The following KANK1 variants were observed in gnomAD, a reference collection of about 807,000 sequenced individuals.
KANK1 encodes the protein KN motif and ankyrin repeat domains 1.
Under a neutral mutation model 106.2 loss-of-function variants are expected in KANK1, and 109 were observed. The ratio of observed to expected loss-of-function variants is 1.03; its 90% CI spans 0.88 to 1.20. The LOEUF is 1.20. Among genes scored for constraint, KANK1 ranks in the 50% most tolerant of loss-of-function variants. KANK1 has a pLI of 0.00. For missense variants in KANK1, 2,399 were observed against 1,710.7 expected (o/e 1.40, Z -7.10); for synonymous variants, 873 against 652.2 (o/e 1.34, Z -5.16).
intron 1 of KANK1, among the ~76,000 whole-genome samples, chr9:659,492 G>A (rs895602493): frequency 3.9e-5 from 6 of 152,122 alleles, no homozygotes; most frequent in African/African-American, 1.4e-4. Flanking sequence ...GCTGTTCTGG[G>A]AACCCACTTT....
At chr9:573,664 T>C (rs558325123) in intron 1 of KANK1, among the ~76,000 whole-genome samples, 52 of 152,286 alleles carry the variant, frequency 3.4e-4, no homozygotes, top group African/African-American at 1.2e-3. Context: ...GCGGGCATTT[T>C]ATTTTTATCT....
At chr9:745,059 C>T (rs892655692) in intron 11 of KANK1, 114 bp from the exon 12 acceptor site, 12 of 1,532,366 alleles carry the variant, frequency 7.8e-6, no homozygotes, top group East Asian at 2.3e-5. Flanking sequence ...GCTCTCCTGG[C>T]TCGGGCTCAC....
intron 1 of KANK1, among the ~76,000 whole-genome samples, chr9:514,193 T>C (rs2059171363): frequency 1.3e-5 from 1 of 77,812 alleles, no homozygotes; most frequent in Non-Finnish European, 2.1e-5. Context: ...TCTCCCTCCC[T>C]TCCTCCCTCC....
chr9:714,189 C>T (rs1827031592), intron 3 of KANK1, among the ~76,000 whole-genome samples: 2 of 152,228 alleles, frequency 1.3e-5, no homozygotes, highest in South Asian at 2.1e-4. Context: ...GCGGTGCTTA[C>T]ATTCTAGGTG....
intron 3 of KANK1, among the ~76,000 whole-genome samples, chr9:496,996 A>C (rs929874503): frequency 2.2e-4 from 33 of 152,342 alleles, no homozygotes; most frequent in Admixed American, 1.0e-3. Context: ...TTCCTGAACT[A>C]GAATTATGTC....
intron 1 of KANK1, among the ~76,000 whole-genome samples, chr9:542,898 C>T (rs1020295818): frequency 1.6e-4 from 24 of 152,004 alleles, no homozygotes; most frequent in Non-Finnish European, 5.9e-5. Context: ...GGGAGATGAG[C>T]GGTGCTTGGG....
intron 1 of KANK1, among the ~76,000 whole-genome samples, chr9:667,820 C>T (rs1845005240): frequency 1.3e-5 from 2 of 151,454 alleles, no homozygotes; most frequent in Admixed American, 6.6e-5. Context: ...CAACCTCCAC[C>T]TCCTGGGTTC....
At chr9:632,055 C>G (rs546340966) in intron 1 of KANK1, among the ~76,000 whole-genome samples, 1 of 152,310 alleles carries the variant, frequency 6.6e-6, no homozygotes, top group South Asian at 2.1e-4. Flanking sequence ...GTCTCCGTAG[C>G]ATTGTGTCTA....
intron 1 of KANK1, among the ~76,000 whole-genome samples, chr9:665,591 T>G (rs1323884295): frequency 1.3e-5 from 2 of 152,186 alleles, no homozygotes; most frequent in South Asian, 2.1e-4. Context: ...TATTTTTAAG[T>G]CAAGTAGTGT....
intron 2 of KANK1, among the ~76,000 whole-genome samples, chr9:704,700 G>A (rs1823544032): frequency 6.6e-6 from 1 of 152,062 alleles, no homozygotes; most frequent in South Asian, 2.1e-4. Context: ...AAATGCCCAG[G>A]CCAGGTATAG....
intron 5 of KANK1, 195 bp from the exon 6 acceptor site, chr9:732,183 G>T (rs576087997): frequency 3.0e-5 from 17 of 560,780 alleles, no homozygotes; most frequent in South Asian, 3.0e-4. Flanking sequence ...ATATGATACC[G>T]ATAACCAGTT....
At chr9:653,918 AC>A (rs1233762711) in intron 1 of KANK1, among the ~76,000 whole-genome samples, 1 of 152,140 alleles carries the variant, frequency 6.6e-6, no homozygotes, top group Non-Finnish European at 1.5e-5. Context: ...CTCCCATCAC[AC>A]TAGCACAACT....
intron 3 of KANK1, among the ~76,000 whole-genome samples, chr9:722,448 T>TA (rs1189917248): frequency 1.3e-5 from 2 of 152,172 alleles, no homozygotes; most frequent in Admixed American, 1.3e-4. Flanking sequence ...AAAGGGTAGC[T>TA]AGGGTTGAAA....
intron 1 of KANK1, among the ~76,000 whole-genome samples, chr9:517,761 C>T (rs1349913733): frequency 2.3e-5 from 3 of 132,044 alleles, no homozygotes; most frequent in East Asian, 2.3e-4. Context: ...TTTTTTGAGA[C>T]AGAGTCTCGC....
At chr9:474,297 A>G (rs922603698) in intron 3 of KANK1, among the ~76,000 whole-genome samples, 5 of 152,144 alleles carry the variant, frequency 3.3e-5, no homozygotes, top group African/African-American at 4.8e-5. Flanking sequence ...GGAAAGCCAT[A>G]TGGACTAGTA....
At position 505,541 on chromosome 9, in the gene KANK1, C is replaced by T. The variant is rs114436533; in HGVS notation, c.-84+787C>T. Among the ~76,000 whole-genome samples the T allele has an allele frequency of 3.9e-3, 588 of 152,348 alleles. 1 individual carries two copies. Among genetic ancestry groups the T allele is most frequent in the African/African-American group, 0.013 (551 of 41,602 alleles). Reference sequence around the variant, plus strand: ...GTGGCGCTCGCGGCAGCCACGGCTCCTTGACCGTTCATCTCCTTCACCCGG... The same window carrying T: ...GTGGCGCTCGCGGCAGCCACGGCTCTTTGACCGTTCATCTCCTTCACCCGG... On this transcript the variant is annotated intron_variant, in intron 1 of 11. Transcript: ENST00000382297.
chr9:565,667 T>C (rs777954748), intron 1 of KANK1, among the ~76,000 whole-genome samples: 1 of 152,110 alleles, frequency 6.6e-6, no homozygotes, highest in Non-Finnish European at 1.5e-5. Flanking sequence ...TTAGGGGCCA[T>C]AGGACCAGTT....
At chr9:635,694 C>CTT (rs1162836319) in intron 1 of KANK1, among the ~76,000 whole-genome samples, 1,922 of 103,302 alleles carry the variant, frequency 0.019, 71 homozygotes, top group African/African-American at 0.033. Flanking sequence ...CCTTTTTATT[C>CTT]TTTTTTTTTT....
At chr9:637,126 C>A (rs898183278) in intron 1 of KANK1, among the ~76,000 whole-genome samples, 8 of 152,196 alleles carry the variant, frequency 5.3e-5, no homozygotes, top group African/African-American at 1.9e-4. Flanking sequence ...TCTGCTGTAT[C>A]AGCAGAGCCT....
Sources: gnomAD v4.1 joint callset for allele counts (sites outside exome capture counted in the v4.1 genomes callset) on GRCh38, gnomAD v4.1.1 for gene constraint, MANE v1.5 for transcripts, NCBI Gene and HGNC (gene_info 2026-07-23, HGNC 2026-07-21) for gene names.